The following CSNK1G2 variants were observed in gnomAD, a reference collection of about 807,000 sequenced individuals.
CSNK1G2 encodes casein kinase 1 gamma 2, also known as casein kinase I isoform gamma-2.
A neutral mutation model predicts 48.0 loss-of-function variants in CSNK1G2; 11 were observed. The observed-to-expected ratio is 0.23, with a 90% confidence interval of 0.14 to 0.38. CSNK1G2 has a LOEUF of 0.38. CSNK1G2 is among the 10% of genes least tolerant of loss of function. The pLI is 1.00. For missense variants in CSNK1G2, 446 were observed against 595.5 expected (o/e 0.75, Z 2.61); for synonymous variants, 337 against 254.1 (o/e 1.33, Z -3.10).
chr19:1,951,029 T>C (rs1044614951), intron 1 of CSNK1G2, among the ~76,000 whole-genome samples: 3 of 145,652 alleles, frequency 2.1e-5, no homozygotes, highest in Non-Finnish European at 4.5e-5. Context: ...GTCTGTCCCC[T>C]GCTGTTGAAA....
rs999987311 is a variant in CSNK1G2 at position 1,957,154 on chromosome 19, A to G, written c.-265-12354A>G. On this transcript the variant is annotated intron_variant, in intron 1 of 11. Coordinates refer to ENST00000255641, the MANE Select transcript of CSNK1G2 (RefSeq NM_001319.7). The surrounding 1 kb of genome is among the most constrained non-coding windows in gnomAD (Gnocchi z 5.4). ...GAGAGGGCAAGGCAGGGGCGGCTAG[A>G]AAGAAAAGCAACCTGGACGCAGGCC... 6.6e-6 allele frequency among the ~76,000 whole-genome samples: 1 copy of G among 152,130 alleles called. No individual in the cohort carries two copies. The highest frequency in any genetic ancestry group is 2.4e-5 in the African/African-American group (1 of 41,430).
In CSNK1G2 at chr19:1,979,002, C is replaced by T; in HGVS notation, c.591C>T (p.Asp197=). 2 of 1,598,734 alleles carry T rather than the reference C, an allele frequency of 1.3e-6. No homozygotes were observed. The highest frequency in any genetic ancestry group is 1.7e-6 in the Non-Finnish European group (2 of 1,179,582). Residue 197 remains aspartate (D), a synonymous_variant, in exon 6 of 12, where the codon GAC becomes GAT. Coordinates refer to ENST00000255641, the MANE Select transcript of CSNK1G2 (RefSeq NM_001319.7). ...IDFGLAKEYI[D]PETKKHIPYR... ...TCGGGCTGGCCAAGGAGTACATCGA[C>T]CCCGAGACCAAGAAGCACATCCCGT...
chr19:1,956,706 G>A (rs561862897), intron 1 of CSNK1G2, among the ~76,000 whole-genome samples: 1 of 152,294 alleles, frequency 6.6e-6, no homozygotes, highest in Non-Finnish European at 1.5e-5. Flanking sequence ...GGATGGGAGA[G>A]TGTTTAAGGA....
intron 2 of CSNK1G2, chr19:1,976,077 C>A: frequency 7.8e-7 from 1 of 1,289,380 alleles, no homozygotes; most frequent in Non-Finnish European, 1.0e-6. Context: ...ATAAAATGGA[C>A]CGGTGGATGG....
chr19:1,941,609 G>T (rs111480077), intron 1 of CSNK1G2, among the ~76,000 whole-genome samples, 191 bp downstream of exon 1: 1,752 of 104,074 alleles, frequency 0.017, 51 homozygotes, highest in African/African-American at 0.056. Flanking sequence ...CCCACACTCA[G>T]GGCCCCACCG....
chr19:1,947,257 G>T (rs986563923), intron 1 of CSNK1G2, among the ~76,000 whole-genome samples: 1 of 152,228 alleles, frequency 6.6e-6, no homozygotes, highest in African/African-American at 2.4e-5. Flanking sequence ...TGCCTGTGAG[G>T]CCTGATGGCC....
At position 1,980,595 on chromosome 19, in the gene CSNK1G2, T is replaced by C; in HGVS notation, c.*392T>C. On this transcript the variant is annotated 3_prime_UTR_variant, in exon 12 of 12. Transcript: ENST00000255641. ...GCCCCGCCAGCCGCCCCCGTTAGCG[T>C]CATAAAGTCCAGCTTGTCTCCCTCG... 3.7e-6 allele frequency: 1 copy of C among 273,496 alleles called. No homozygotes were observed. Among genetic ancestry groups the C allele is most frequent in the Non-Finnish European group, 7.1e-6 (1 of 140,436 alleles). The allele number at this position is 273,496 out of a possible 1,614,324, so 16.9% of individuals were successfully genotyped here. A position where few individuals can be genotyped will look rare whatever the true frequency, so the allele number is the denominator to read the frequency against.
chr19:1,954,112 C>G, intron 1 of CSNK1G2: 1 of 427,720 alleles, frequency 2.3e-6, no homozygotes, highest in South Asian at 1.6e-5. Flanking sequence ...GGGTGTTTCT[C>G]TTTTGCACCT....
rs76908838 is a variant in CSNK1G2, at chr19:1,970,236, G to A, written c.187+277G>A. Among the ~76,000 whole-genome samples the A allele has an allele frequency of 3.3e-5, 5 of 152,360 alleles. No individual in the cohort carries two copies. In the East Asian group the frequency reaches 5.8e-4, roughly 18 times the overall value. ...GGCCCAGAGCAGGCCAGGCCACGCC[G>A]CAAGGAGCCCGATGTTAAGTTGTGA... On this transcript the variant is annotated intron_variant, in intron 2 of 11. Coordinates refer to ENST00000255641, the MANE Select transcript of CSNK1G2 (RefSeq NM_001319.7).
chr19:1,955,279 C>T (rs570330618), intron 1 of CSNK1G2, among the ~76,000 whole-genome samples: 1 of 150,862 alleles, frequency 6.6e-6, no homozygotes, highest in African/African-American at 2.5e-5. Flanking sequence ...GGCGGCCCTG[C>T]CTGTCCTCTG....
At chr19:1,947,856 C>T (rs964999967) in intron 1 of CSNK1G2, among the ~76,000 whole-genome samples, 4 of 152,204 alleles carry the variant, frequency 2.6e-5, no homozygotes, top group Non-Finnish European at 4.4e-5. Context: ...CTGGGTGGAC[C>T]GTGGCTGCCC....
At chr19:1,955,064 C>T (rs2014935528) in intron 1 of CSNK1G2, among the ~76,000 whole-genome samples, 1 of 152,164 alleles carries the variant, frequency 6.6e-6, no homozygotes, top group Non-Finnish European at 1.5e-5. Context: ...CCCTTGGGCA[C>T]CCCCTGGGGT....
intron 1 of CSNK1G2, among the ~76,000 whole-genome samples, chr19:1,954,866 C>A (rs529788027): frequency 6.6e-6 from 1 of 152,146 alleles, no homozygotes; most frequent in Admixed American, 6.5e-5. Context: ...GGGACGGAAT[C>A]GTGGCTGCGT....
Position 1,978,792 on chromosome 19 carries a change from G to C in CSNK1G2, c.447+42G>C, listed in dbSNP as rs112289928. On this transcript the variant is annotated intron_variant, in intron 5 of 11. Transcript: ENST00000255641. This position sits in a 1 kb window ranked among gnomAD's most constrained non-coding sequence, Gnocchi z 7.3. ...GCGGGGCGGGGCTCGGAGGGAAGAG[G>C]GTGGCCCTGGAGGGGAGCGCGTGGG... is the stretch of plus-strand genomic sequence containing the variant. 6.3e-7 allele frequency: 1 copy of C among 1,581,908 alleles called. No homozygotes were observed. Among genetic ancestry groups the C allele is most frequent in the African/African-American group, 1.4e-5 (1 of 74,014 alleles).
intron 1 of CSNK1G2, among the ~76,000 whole-genome samples, chr19:1,963,019 C>T (rs78559664): frequency 9.4e-5 from 11 of 117,222 alleles, no homozygotes; most frequent in Admixed American, 3.6e-4. Context: ...ACTCAGGCCA[C>T]GGCGTGGACG....
chr19:1,951,593 C>T (rs2014764755), intron 1 of CSNK1G2, among the ~76,000 whole-genome samples: 1 of 144,980 alleles, frequency 6.9e-6, no homozygotes, highest in Non-Finnish European at 1.5e-5. Context: ...TCCCGATGGG[C>T]CAGGATGGGG....
At chr19:1,945,971 G>A (rs1398431756) in intron 1 of CSNK1G2, among the ~76,000 whole-genome samples, 4 of 152,218 alleles carry the variant, frequency 2.6e-5, no homozygotes, top group Non-Finnish European at 5.9e-5. Context: ...GCAGCCCAGT[G>A]GAGTGGGGCA....
chr19:1,963,912 G>A (rs1265262053), intron 1 of CSNK1G2, among the ~76,000 whole-genome samples: 2 of 150,246 alleles, frequency 1.3e-5, no homozygotes, highest in Admixed American at 6.6e-5. Context: ...TGCCTCCTGG[G>A]TTCCAGTGAT....
At chr19:1,946,606 T>A (rs1191425980) in intron 1 of CSNK1G2, among the ~76,000 whole-genome samples, 1 of 141,086 alleles carries the variant, frequency 7.1e-6, no homozygotes, top group Non-Finnish European at 1.6e-5. Context: ...TTTATTTATT[T>A]ATTATTATTA....
Sources: allele counts gnomAD v4.1 joint callset (sites outside exome capture counted in the v4.1 genomes callset), GRCh38; gene constraint gnomAD v4.1.1; non-coding constraint Gnocchi (gnomAD v3.1); transcripts MANE v1.5; gene names NCBI Gene and HGNC (gene_info 2026-07-23, HGNC 2026-07-21).